TOX2: variants seen among roughly 807,000 people sequenced by gnomAD.
The protein encoded by TOX2 is TOX high mobility group box family member 2.
A neutral mutation model predicts 47.4 loss-of-function variants in TOX2; 15 were observed. That is an observed-to-expected ratio of 0.32 (90% CI 0.21 to 0.49). The LOEUF (loss-of-function observed/expected upper bound fraction) is 0.49. Ranked by LOEUF, TOX2 falls within the 20% of genes least tolerant of loss-of-function variation. The pLI is 0.99. For missense variants in TOX2, 622 were observed against 673.1 expected (o/e 0.92, Z 0.84); for synonymous variants, 290 against 296.6 (o/e 0.98, Z 0.23).
At chr20:44,056,823 C>CTGAG (rs2071626480) in intron 5 of TOX2, among the ~76,000 whole-genome samples, 2 of 151,956 alleles carry the variant, frequency 1.3e-5, no homozygotes, top group Non-Finnish European at 2.9e-5. Flanking sequence ...TTTTTAATTC[C>CTGAG]TGAGTCTTCT....
At chr20:43,935,352 G>A (rs1486089993) in intron 1 of TOX2, among the ~76,000 whole-genome samples, 2 of 152,146 alleles carry the variant, frequency 1.3e-5, no homozygotes, top group African/African-American at 2.4e-5. Context: ...AACCTGGCAC[G>A]ATATGCTGAT....
intron 1 of TOX2, among the ~76,000 whole-genome samples, chr20:43,952,739 C>T (rs2069601837): frequency 6.6e-6 from 1 of 152,192 alleles, no homozygotes; most frequent in Admixed American, 6.5e-5. Context: ...AAGTCTACCA[C>T]AGCAGGTACT....
At chr20:43,925,470 T>A (rs1167437592) in intron 1 of TOX2, among the ~76,000 whole-genome samples, 1 of 152,198 alleles carries the variant, frequency 6.6e-6, no homozygotes, top group Non-Finnish European at 1.5e-5. Flanking sequence ...GCTGGTGCAC[T>A]TTTTCCAGCC....
chr20:43,979,412 T>C (rs983449901), intron 2 of TOX2, among the ~76,000 whole-genome samples: 3 of 152,066 alleles, frequency 2.0e-5, no homozygotes, highest in South Asian at 2.1e-4. Context: ...GGAGGAGAAC[T>C]TGGAGTCTTA....
At chr20:43,954,525 G>A (rs1018572767) in intron 1 of TOX2, among the ~76,000 whole-genome samples, 2 of 152,186 alleles carry the variant, frequency 1.3e-5, no homozygotes, top group African/African-American at 2.4e-5. Flanking sequence ...GGCACTCAGC[G>A]AACAAACCTC....
At chr20:43,963,638 C>T (rs746377107) in intron 1 of TOX2, among the ~76,000 whole-genome samples, 2 of 152,082 alleles carry the variant, frequency 1.3e-5, no homozygotes, top group Non-Finnish European at 2.9e-5. Flanking sequence ...AGGCAGAATA[C>T]GAATGTGCGT....
At chr20:43,946,682 G>A (rs887402474) in intron 1 of TOX2, among the ~76,000 whole-genome samples, 9 of 152,210 alleles carry the variant, frequency 5.9e-5, no homozygotes, top group East Asian at 1.9e-4. Context: ...AGCAACAAAT[G>A]AGAAAGGAAC....
At position 44,051,555 on chromosome 20, in the gene TOX2, G is replaced by A; in HGVS notation, c.651+10G>A. ...GGAAGTGCATTTCAAGGTATGTGCG[G>A]TGGAGGAACAGAGCCTGAAGCTGCC... On this transcript the variant is annotated intron_variant, in intron 4 of 8. Transcript: ENST00000341197. 2 of 1,563,548 alleles carry A rather than the reference G, an allele frequency of 1.3e-6. No individual in the cohort carries two copies. Among genetic ancestry groups the A allele is most frequent in the Non-Finnish European group, 1.7e-6 (2 of 1,150,464 alleles).
At chr20:43,952,962 G>A (rs1286581209) in intron 1 of TOX2, among the ~76,000 whole-genome samples, 3 of 152,116 alleles carry the variant, frequency 2.0e-5, no homozygotes, top group Non-Finnish European at 2.9e-5. Flanking sequence ...GTCTGGGTGG[G>A]CCCTATAGGA....
chr20:44,023,431 G>GA lies in TOX2; in HGVS notation c.411+16658dup, dbSNP rs35627597. On this transcript the variant is annotated intron_variant, in intron 3 of 8. Transcript: ENST00000341197. ...GGTGACAGAGCTAGACTTTATCTCA[G>GA]AAAAAAAAAAAAAAAAAAAGGAGGG... is the stretch of plus-strand genomic sequence containing the variant. Among the ~76,000 whole-genome samples, 282 of 119,136 alleles carry GA rather than the reference G, an allele frequency of 2.4e-3. 2 individuals carry two copies. The highest frequency in any genetic ancestry group is 5.5e-3 in the African/African-American group (163 of 29,480). 78.2% of individuals were successfully genotyped at this position (119,136 alleles called of 152,430 possible).
chr20:43,923,913 G>A (rs2145834512), intron 1 of TOX2, among the ~76,000 whole-genome samples: 1 of 152,362 alleles, frequency 6.6e-6, no homozygotes. Flanking sequence ...CCCACAGGGA[G>A]CTGTGGCGCT....
chr20:43,977,449 G>A (rs925942718), intron 2 of TOX2, among the ~76,000 whole-genome samples: 1 of 152,300 alleles, frequency 6.6e-6, no homozygotes. Flanking sequence ...GTTCTTTAAT[G>A]TAACACTTCT....
At chr20:44,060,968 CT>C (rs1199871049) in intron 5 of TOX2, among the ~76,000 whole-genome samples, 1 of 151,998 alleles carries the variant, frequency 6.6e-6, no homozygotes, top group African/African-American at 2.4e-5. Context: ...AAAGCTGGTT[CT>C]TTGAAAAGAT....
intron 2 of TOX2, among the ~76,000 whole-genome samples, chr20:43,989,169 A>C (rs2070324387): frequency 6.6e-6 from 1 of 152,200 alleles, no homozygotes; most frequent in African/African-American, 2.4e-5. Context: ...TCATTTTAAC[A>C]GATCCCTACT....
At chr20:44,043,463 C>T (rs1569128004) in intron 3 of TOX2, among the ~76,000 whole-genome samples, 1 of 152,186 alleles carries the variant, frequency 6.6e-6, no homozygotes, top group African/African-American at 2.4e-5. Flanking sequence ...GAACACCTGA[C>T]AGTGATGTTT....
At chr20:44,062,367 A>T (rs887422590) in intron 5 of TOX2, among the ~76,000 whole-genome samples, 2 of 140,860 alleles carry the variant, frequency 1.4e-5, no homozygotes, top group Admixed American at 7.1e-5. Flanking sequence ...CTTTAACTGC[A>T]AAATAAATAA....
In TOX2 at chr20:43,915,987, G is replaced by T. The variant is rs976402559; in HGVS notation, c.99+997G>T. The stretch of plus-strand genomic sequence containing the variant: ...GCCGGGTCTGGCCCAGCCTGGATGG[G>T]TTGGGTGCCTCTAAGCAGTCCGCGT... On this transcript the variant is annotated intron_variant, in intron 1 of 8. Coordinates refer to ENST00000341197, the MANE Select transcript of TOX2 (RefSeq NM_001098797.2). The surrounding 1 kb of genome is among the most constrained non-coding windows in gnomAD (Gnocchi z 7.1). Among the ~76,000 whole-genome samples, 1 of 152,280 alleles carries T rather than the reference G, an allele frequency of 6.6e-6. No individual in the cohort carries two copies. Among genetic ancestry groups the T allele is most frequent in the Admixed American group, 6.5e-5 (1 of 15,294 alleles).
chr20:44,032,234 C>G (rs1421209008), intron 3 of TOX2, among the ~76,000 whole-genome samples: 1 of 152,156 alleles, frequency 6.6e-6, no homozygotes, highest in Non-Finnish European at 1.5e-5. Flanking sequence ...CATGCAGAGG[C>G]AGTAGCTCAC....
intron 2 of TOX2, among the ~76,000 whole-genome samples, chr20:43,974,155 G>A (rs1012086535): frequency 6.6e-6 from 1 of 152,234 alleles, no homozygotes; most frequent in South Asian, 2.1e-4. Context: ...TGATGCCAGG[G>A]TGGGTCCTCA....
Sources: gnomAD v4.1 joint callset for allele counts (sites outside exome capture counted in the v4.1 genomes callset) on GRCh38, gnomAD v4.1.1 for gene constraint, Gnocchi (gnomAD v3.1) non-coding constraint, MANE v1.5 for transcripts, NCBI Gene and HGNC (gene_info 2026-07-23, HGNC 2026-07-21) for gene names.